Variants in NRG3 observed in about 807,000 individuals in gnomAD.
NRG3 encodes the protein pro-neuregulin-3, membrane-bound isoform.
Under a neutral mutation model 66.9 loss-of-function variants are expected in NRG3, and 31 were observed. That is an observed-to-expected ratio of 0.46 (90% confidence interval 0.35 to 0.63). The LOEUF (loss-of-function observed/expected upper bound fraction) is 0.63, where lower values mean the gene tolerates loss of function less well. Ranked by LOEUF, NRG3 falls within the 20% of genes least tolerant of loss-of-function variation. The probability of loss-of-function intolerance (pLI) is 0.00; values close to 1 mark genes in which losing one functional copy is unlikely to be tolerated. For synonymous variants in NRG3, 393 were observed against 359.4 expected (o/e 1.09, Z -1.06); for missense variants, 910 against 878.9 (o/e 1.04, Z -0.45).
intron 1 of NRG3, among the ~76,000 whole-genome samples, chr10:82,168,170 C>T (rs374723467): frequency 5.3e-5 from 8 of 152,078 alleles, no homozygotes; most frequent in African/African-American, 1.7e-4. Flanking sequence ...CTGCATTTGT[C>T]TTCTTTCTAT....
At chr10:82,240,049 T>G in intron 1 of NRG3, among the ~76,000 whole-genome samples, 1 of 152,162 alleles carries the variant, frequency 6.6e-6, no homozygotes, top group East Asian at 1.9e-4. Flanking sequence ...AAAAAAAGTT[T>G]TTCCTATTTG....
At chr10:82,045,643 A>G (rs11192290) in intron 1 of NRG3, among the ~76,000 whole-genome samples, 50,389 of 61,364 alleles carry the variant, frequency 0.82, 22,044 homozygotes, top group South Asian at 0.97. Context: ...GTCCTTGCCC[A>G]TGCCTATGTC....
chr10:82,062,908 T>A (rs571798644), intron 1 of NRG3, among the ~76,000 whole-genome samples: 1 of 152,302 alleles, frequency 6.6e-6, no homozygotes, highest in Admixed American at 6.5e-5. Context: ...TCTGGAGTGG[T>A]TTGGCCATTT....
At chr10:82,060,615 G>T (rs2064092078) in intron 1 of NRG3, among the ~76,000 whole-genome samples, 1 of 152,146 alleles carries the variant, frequency 6.6e-6, no homozygotes, top group Non-Finnish European at 1.5e-5. Flanking sequence ...TTTTAGCCTT[G>T]TGAATATTTA....
In NRG3 at chr10:81,988,421, C is replaced by T. The variant is rs151091391; in HGVS notation, c.823+112258C>T. Among the ~76,000 whole-genome samples the T allele has an allele frequency of 4.5e-3, 687 of 152,248 alleles. 1 individual carries two copies. Among genetic ancestry groups the T allele is most frequent in the Middle Eastern group, 0.01 (3 of 294 alleles). On this transcript the variant is annotated intron_variant, in intron 1 of 8. Transcript: ENST00000372141. ...TTTCCCAGATTAGAGGAACAGATGG[C>T]TCTTAGTGGTGGTTTTTGTTGTTTT...
At chr10:82,642,897 C>CATAT (rs369198241) in intron 2 of NRG3, among the ~76,000 whole-genome samples, 1 of 150,140 alleles carries the variant, frequency 6.7e-6, no homozygotes, top group East Asian at 2.0e-4. Context: ...TATACATACA[C>CATAT]ATATATATAT....
intron 2 of NRG3, among the ~76,000 whole-genome samples, chr10:82,538,629 G>T (rs1482270297): frequency 6.6e-6 from 1 of 151,824 alleles, no homozygotes; most frequent in Non-Finnish European, 1.5e-5. Flanking sequence ...TACAACAGTA[G>T]CCAAGCAGAC....
chr10:82,465,635 G>A lies in NRG3; in HGVS notation c.953+106767G>A, dbSNP rs1840596761. On this transcript the variant is annotated intron_variant, in intron 2 of 8. Coordinates refer to ENST00000372141, the MANE Select transcript of NRG3 (RefSeq NM_001010848.4). ...TTAAATGGTTCTGGGAAATGAATCAGGATCAAAGGGGAGCTTGAGGCCAGG... is the reference window on the plus strand; with the variant it reads ...TTAAATGGTTCTGGGAAATGAATCAAGATCAAAGGGGAGCTTGAGGCCAGG... Among the ~76,000 whole-genome samples, 3 of 152,098 alleles carry A rather than the reference G, an allele frequency of 2.0e-5. No individual in the cohort carries two copies. In the South Asian group the frequency reaches 6.2e-4, roughly 31 times the overall value.
At chr10:82,061,912 T>C (rs2064176762) in intron 1 of NRG3, among the ~76,000 whole-genome samples, 1 of 151,634 alleles carries the variant, frequency 6.6e-6, no homozygotes, top group African/African-American at 2.4e-5. Flanking sequence ...AAAAGGATAG[T>C]GATACTTTAC....
At chr10:82,321,328 G>GT (rs141094791) in intron 1 of NRG3, among the ~76,000 whole-genome samples, 2,454 of 149,698 alleles carry the variant, frequency 0.016, 79 homozygotes, top group African/African-American at 0.057. Flanking sequence ...GAACTCTCCT[G>GT]TTTCACCTGC....
intron 1 of NRG3, among the ~76,000 whole-genome samples, chr10:82,177,980 T>C (rs960479179): frequency 2.0e-5 from 3 of 152,138 alleles, no homozygotes; most frequent in Non-Finnish European, 4.4e-5. Flanking sequence ...TGTGAGGCAC[T>C]GTGCCCAGCC....
intron 3 of NRG3, among the ~76,000 whole-genome samples, chr10:82,835,355 C>G (rs927469582): frequency 1.3e-5 from 2 of 152,142 alleles, no homozygotes; most frequent in Non-Finnish European, 2.9e-5. Context: ...TCACCATATT[C>G]ACATTTGGTA....
intron 1 of NRG3, among the ~76,000 whole-genome samples, chr10:82,173,482 C>G (rs911364528): frequency 6.6e-6 from 1 of 151,988 alleles, no homozygotes; most frequent in African/African-American, 2.4e-5. Flanking sequence ...GCATACACAC[C>G]TATTAAAACA....
At chr10:82,642,048 T>C (rs1019746797) in intron 2 of NRG3, among the ~76,000 whole-genome samples, 1 of 152,202 alleles carries the variant, frequency 6.6e-6, no homozygotes, top group Admixed American at 6.6e-5. Context: ...GCCCACTAAA[T>C]ATCTATGTCC....
intron 2 of NRG3, among the ~76,000 whole-genome samples, chr10:82,640,997 T>A (rs2050534045): frequency 6.6e-6 from 1 of 151,174 alleles, no homozygotes; most frequent in Non-Finnish European, 1.5e-5. Flanking sequence ...GTCTTTAAAT[T>A]TTTCAGTCTG....
chr10:82,783,384 G>T (rs1450288735), intron 3 of NRG3, among the ~76,000 whole-genome samples: 1 of 151,242 alleles, frequency 6.6e-6, no homozygotes, highest in East Asian at 1.9e-4. Flanking sequence ...AGGAAATAAA[G>T]GGTATTCAAT....
At chr10:82,396,525 A>C (rs1028924808) in intron 2 of NRG3, among the ~76,000 whole-genome samples, 1 of 152,216 alleles carries the variant, frequency 6.6e-6, no homozygotes, top group African/African-American at 2.4e-5. Context: ...ACACAGCTAC[A>C]CACTTGCCGT....
At position 82,227,370 on chromosome 10, in the gene NRG3, G is replaced by T. The variant is rs561229768; in HGVS notation, c.824-131369G>T. 2.0e-5 allele frequency among the ~76,000 whole-genome samples: 3 copies of T among 152,060 alleles called. No individual in the cohort carries two copies. The East Asian group carries it at 5.8e-4, about 29-fold the overall frequency. Reference sequence around the variant, plus strand: ...AGCTCCTGAAAACTGACACACCCTTGCATTTGACAACTGGCTCATTATTAT... The same window carrying T: ...AGCTCCTGAAAACTGACACACCCTTTCATTTGACAACTGGCTCATTATTAT... On this transcript the variant is annotated intron_variant, in intron 1 of 8. Transcript: ENST00000372141.
intron 1 of NRG3, among the ~76,000 whole-genome samples, chr10:82,250,403 A>G (rs376427056): frequency 6.6e-6 from 1 of 151,938 alleles, no homozygotes. Flanking sequence ...TGGCCAACAT[A>G]GTGAAACCCC....
Sources: gnomAD v4.1 joint callset for allele counts (sites outside exome capture counted in the v4.1 genomes callset) on GRCh38, gnomAD v4.1.1 for gene constraint, MANE v1.5 for transcripts, NCBI Gene and HGNC (gene_info 2026-07-23, HGNC 2026-07-21) for gene names.